Variants in SLC22A16 observed in about 807,000 individuals in gnomAD.
SLC22A16 encodes the protein WUGSC:RG331P03.1.
A neutral mutation model predicts 52.9 loss-of-function variants in SLC22A16; 53 were observed. That is an observed-to-expected ratio of 1.00 (90% CI 0.80 to 1.26). SLC22A16 has a LOEUF of 1.26. Among genes scored for constraint, SLC22A16 ranks in the 50% most tolerant of loss-of-function variants. The pLI, the probability that SLC22A16 is intolerant of heterozygous loss-of-function variation, is 0.00. For synonymous variants in SLC22A16, 291 were observed against 268.8 expected, an observed-to-expected ratio of 1.08 and a Z score of -0.81; for missense variants, 726 against 704.0, an observed-to-expected ratio of 1.03 and a Z score of -0.35.
intron 1 of SLC22A16, among the ~76,000 whole-genome samples, chr6:110,461,849 T>C (rs1775897113): frequency 2.0e-5 from 3 of 152,226 alleles, no homozygotes; most frequent in South Asian, 2.1e-4. Flanking sequence ...TTCATTCAAA[T>C]GTTGGCAAAT....
chr6:110,462,101 G>A (rs749256366), intron 1 of SLC22A16, among the ~76,000 whole-genome samples: 7 of 152,128 alleles, frequency 4.6e-5, no homozygotes, highest in East Asian at 3.9e-4. Flanking sequence ...CAGATCTTGT[G>A]AGACCCTTTT....
At chr6:110,462,397 G>A (rs1338966887) in intron 1 of SLC22A16, among the ~76,000 whole-genome samples, 1 of 152,028 alleles carries the variant, frequency 6.6e-6, no homozygotes, top group Non-Finnish European at 1.5e-5. Flanking sequence ...TTCAAAATAT[G>A]GATTGTAAGA....
chr6:110,435,490 C>A (rs898663977), intron 6 of SLC22A16, among the ~76,000 whole-genome samples: 1 of 152,112 alleles, frequency 6.6e-6, no homozygotes, highest in African/African-American at 2.4e-5. Flanking sequence ...AGCCACCCAG[C>A]CTGTGGTATT....
In SLC22A16 at chr6:110,461,147, T is replaced by G. The variant is rs187658516; in HGVS notation, c.54-4130A>C. Among the ~76,000 whole-genome samples the G allele has an allele frequency of 9.9e-3, 1,502 of 152,196 alleles. 20 individuals carry two copies. Among genetic ancestry groups the G allele is most frequent in the Non-Finnish European group, 0.012 (827 of 68,002 alleles). Reference sequence around the variant, plus strand: ...GCTTTCAGAAAAGGCAGGGCCCATCTACCGCTCCCTACACAAAGTAGCAAT... The same window carrying G: ...GCTTTCAGAAAAGGCAGGGCCCATCGACCGCTCCCTACACAAAGTAGCAAT... On this transcript the variant is annotated intron_variant, in intron 1 of 7. Transcript: ENST00000368919.
chr6:110,428,995 G>A (rs1235116301), intron 7 of SLC22A16, among the ~76,000 whole-genome samples: 1 of 152,152 alleles, frequency 6.6e-6, no homozygotes. Flanking sequence ...TGAGTCCGTA[G>A]TCCTTAATTG....
At position 110,456,743 on chromosome 6, in the gene SLC22A16, A is replaced by T; in HGVS notation, c.328T>A (p.Ser110Thr). The part of the protein sequence containing the change: ...RCSRNKRENT[S>T]SLGYEYTGSK... ...CCAGTGTATTCATAGCCCAAACTCG[A>T]TGTGTTCTCCCTCTTATTCCTGCTA... Residue 110 changes from serine (S) to threonine (T), a missense_variant, in exon 2 of 8, where the codon TCG becomes ACG. Coordinates refer to ENST00000368919, the MANE Select transcript of SLC22A16 (RefSeq NM_033125.4). 6.2e-7 allele frequency: 1 copy of T among 1,614,108 alleles called. No individual in the cohort carries two copies. Among genetic ancestry groups the T allele is most frequent in the Non-Finnish European group, 8.5e-7 (1 of 1,180,020 alleles).
Position 110,462,145 on chromosome 6 carries a change from T to A in SLC22A16, c.54-5128A>T, listed in dbSNP as rs528293256. 5.7e-4 allele frequency among the ~76,000 whole-genome samples: 87 copies of A among 152,284 alleles called. 1 individual carries two copies. The South Asian group carries it at 0.018, about 31-fold the overall frequency. On this transcript the variant is annotated intron_variant, in intron 1 of 7. Coordinates refer to ENST00000368919, the MANE Select transcript of SLC22A16 (RefSeq NM_033125.4). Reference sequence around the variant, plus strand: ...AAGAACAGCACGGGAAATACCTGCCTCCATGTTTCAATCATCTCTCACCAC... The same window carrying A: ...AAGAACAGCACGGGAAATACCTGCCACCATGTTTCAATCATCTCTCACCAC...
chr6:110,465,789 T>C (rs1377704266), intron 1 of SLC22A16, among the ~76,000 whole-genome samples: 1 of 152,156 alleles, frequency 6.6e-6, no homozygotes, highest in Non-Finnish European at 1.5e-5. Flanking sequence ...AAAACTATTC[T>C]AAAATTCACA....
At chr6:110,445,554 C>T (rs188713598) in intron 3 of SLC22A16, among the ~76,000 whole-genome samples, 2 of 152,250 alleles carry the variant, frequency 1.3e-5, no homozygotes, top group Admixed American at 6.5e-5. Context: ...CACAGAATTC[C>T]CCCACAAATC....
intron 7 of SLC22A16, among the ~76,000 whole-genome samples, chr6:110,427,766 C>T (rs939967795): frequency 9.8e-5 from 15 of 152,318 alleles, no homozygotes; most frequent in East Asian, 5.8e-4. Flanking sequence ...TGAGCCACCG[C>T]GCCTGCCCTA....
At chr6:110,438,571 A>G (rs186788468) in intron 5 of SLC22A16, 149 bp downstream of exon 5, 1 of 733,560 alleles carries the variant, frequency 1.4e-6, no homozygotes, top group African/African-American at 1.8e-5. Context: ...CAGAAAAAGA[A>G]TGTTTTAAAG....
chr6:110,475,441 C>A (rs1776427811), intron 1 of SLC22A16, among the ~76,000 whole-genome samples: 1 of 152,178 alleles, frequency 6.6e-6, no homozygotes, highest in Admixed American at 6.5e-5. Flanking sequence ...AGGCACAAGG[C>A]AGCGTTCAAT....
At chr6:110,474,921 G>C (rs760935389) in intron 1 of SLC22A16, 2 of 518,936 alleles carry the variant, frequency 3.9e-6, no homozygotes, top group Admixed American at 3.9e-5. Flanking sequence ...TAAGATGTAA[G>C]TACCACCTAC....
chr6:110,435,881 A>G lies in SLC22A16; in HGVS notation c.1392T>C (p.Tyr464=). 6 of 1,613,752 alleles carry G rather than the reference A, an allele frequency of 3.7e-6. No homozygotes were observed. The highest frequency in any genetic ancestry group is 1.1e-5 in the South Asian group (1 of 90,944). Residue 464 remains tyrosine (Y), a synonymous_variant, in exon 6 of 8, where the codon TAT becomes TAC. Transcript: ENST00000368919. The part of the protein sequence containing the change: ...IGAAFGLIYL[Y]TAELYPTIVR... ...CAATGGTTGGATACAGCTCAGCTGTATAAAGATAAATGAGGCCAAATGCTG... is the reference window on the plus strand; with the variant it reads ...CAATGGTTGGATACAGCTCAGCTGTGTAAAGATAAATGAGGCCAAATGCTG...
chr6:110,459,456 C>T (rs1464977388), intron 1 of SLC22A16, among the ~76,000 whole-genome samples: 1 of 152,138 alleles, frequency 6.6e-6, no homozygotes, highest in Non-Finnish European at 1.5e-5. Context: ...AAAAAGACCC[C>T]AGATTGGGGG....
intron 3 of SLC22A16, among the ~76,000 whole-genome samples, chr6:110,444,450 A>C (rs1014955832): frequency 6.6e-6 from 1 of 152,240 alleles, no homozygotes; most frequent in Non-Finnish European, 1.5e-5. Flanking sequence ...TTATGTGATT[A>C]TCCTTGCAGA....
intron 1 of SLC22A16, among the ~76,000 whole-genome samples, chr6:110,457,724 A>G (rs924953662): frequency 6.6e-6 from 1 of 152,218 alleles, no homozygotes; most frequent in Non-Finnish European, 1.5e-5. Context: ...CCAGAAGACA[A>G]GAGTGTGAAC....
Position 110,424,804 on chromosome 6 carries a change from A to G in SLC22A16, c.*69T>C. On this transcript the variant is annotated 3_prime_UTR_variant, in exon 8 of 8. Coordinates refer to ENST00000368919, the MANE Select transcript of SLC22A16 (RefSeq NM_033125.4). ...CAAACAACATATGGGAGATGAGAAT[A>G]AGATTCCTCTAATACAAAGGCATTA... 1.3e-6 allele frequency: 2 copies of G among 1,557,188 alleles called. No individual in the cohort carries two copies. The highest frequency in any genetic ancestry group is 1.8e-6 in the Non-Finnish European group (2 of 1,136,888).
Position 110,442,605 on chromosome 6 carries a change from G to T in SLC22A16, c.822C>A (p.Leu274=). ...GGATAAAGGGGACAGTCACTGTGGA[G>T]AGGATCATCTGGTAAAGCCACCAGG... is the stretch of plus-strand genomic sequence containing the variant. The part of the protein sequence containing the change: ...VRTWWLYQMI[L]STVTVPFILC... Residue 274 remains leucine (L), a synonymous_variant, in exon 4 of 8, where the codon CTC becomes CTA. Coordinates refer to ENST00000368919, the MANE Select transcript of SLC22A16 (RefSeq NM_033125.4). The T allele has an allele frequency of 6.2e-7, 1 of 1,614,230 alleles. No individual in the cohort carries two copies. Among genetic ancestry groups the T allele is most frequent in the Non-Finnish European group, 8.5e-7 (1 of 1,180,036 alleles).
Sources: allele counts gnomAD v4.1 joint callset (sites outside exome capture counted in the v4.1 genomes callset), GRCh38; gene constraint gnomAD v4.1.1; transcripts MANE v1.5; gene names NCBI Gene and HGNC (gene_info 2026-07-23, HGNC 2026-07-21).